Variants in ADCK1 observed in about 807,000 individuals in gnomAD.
The protein encoded by ADCK1 is aarF domain containing kinase 1.
In ADCK1, 41 loss-of-function variants were observed where a neutral mutation model predicts 52.3. The observed-to-expected ratio is 0.78, with a 90% CI of 0.61 to 1.02. The LOEUF is 1.02. Ranked by LOEUF, ADCK1 falls within the 50% of genes least tolerant of loss-of-function variation. The pLI is 0.00. For missense variants in ADCK1, 658 were observed against 679.5 expected, an observed-to-expected ratio of 0.97 and a Z score of 0.35; for synonymous variants, 250 against 274.6, an observed-to-expected ratio of 0.91 and a Z score of 0.89.
chr14:77,831,878 A>G (rs1365364035), intron 3 of ADCK1, among the ~76,000 whole-genome samples: 2 of 152,192 alleles, frequency 1.3e-5, no homozygotes, highest in African/African-American at 2.4e-5. Flanking sequence ...TGACAACTCT[A>G]TAACTATTCC....
intron 3 of ADCK1, among the ~76,000 whole-genome samples, chr14:77,852,678 TATATATATATATATATA>T (rs2082319947): frequency 2.7e-5 from 2 of 74,026 alleles, no homozygotes; most frequent in Admixed American, 1.2e-4. Context: ...TATATATATA[TATATATATATATATATA>T]TATATATATT....
At position 77,931,508 on chromosome 14, in the gene ADCK1, G is replaced by A. The variant is rs2084333916; in HGVS notation, c.1207-10G>A. 1 of 1,609,844 alleles carries A rather than the reference G, an allele frequency of 6.2e-7. No homozygotes were observed. The highest frequency in any genetic ancestry group is 8.5e-7 in the Non-Finnish European group (1 of 1,176,788). On this transcript the variant is annotated splice_polypyrimidine_tract_variant and intron_variant, in intron 9 of 10. Coordinates refer to ENST00000238561, the MANE Select transcript of ADCK1 (RefSeq NM_020421.4). The stretch of plus-strand genomic sequence containing the variant: ...AACCATCTGTTTCTGTTGCCCCATT[G>A]CTGCTTCAGGACTTAGAGATTCGCA...
rs116436976 is a variant in ADCK1 at position 77,891,186 on chromosome 14, C to T, written c.582+3937C>T. Among the ~76,000 whole-genome samples, 912 of 152,202 alleles carry T rather than the reference C, an allele frequency of 6.0e-3. 10 individuals carry two copies. Among genetic ancestry groups the T allele is most frequent in the African/African-American group, 0.02 (838 of 41,538 alleles). ...GGGGTAGAAGGTAGCATTGGAGACT[C>T]GAGGTGGGTGAAGGTTTGGAACAGC... On this transcript the variant is annotated intron_variant, in intron 5 of 10. Transcript: ENST00000238561.
chr14:77,932,484 C>T (rs559142685), intron 10 of ADCK1, among the ~76,000 whole-genome samples: 4 of 152,140 alleles, frequency 2.6e-5, no homozygotes, highest in Non-Finnish European at 5.9e-5. Context: ...GGAAGGGCCC[C>T]GCTCTGGATG....
intron 3 of ADCK1, among the ~76,000 whole-genome samples, chr14:77,857,042 A>T (rs1389657478): frequency 2.7e-5 from 4 of 150,284 alleles, no homozygotes; most frequent in African/African-American, 9.8e-5. Context: ...AGGCCTAAGG[A>T]TGGCCTGCTA....
chr14:77,803,323 A>G (rs897059140), intron 1 of ADCK1, among the ~76,000 whole-genome samples: 1 of 151,940 alleles, frequency 6.6e-6, no homozygotes, highest in Non-Finnish European at 1.5e-5. Flanking sequence ...GGTAATTCTC[A>G]TTTGTGCACC....
In ADCK1 at chr14:77,931,406, C is replaced by G. The variant is rs531955237; in HGVS notation, c.1207-112C>G. On this transcript the variant is annotated intron_variant, in intron 9 of 10. Transcript: ENST00000238561. ...TGCCAAGACAGCGGTGCCTGAAGCT[C>G]CCTCCTGGGGCTTCTTTGCAGCCCT... 14 of 1,128,086 alleles carry G rather than the reference C, an allele frequency of 1.2e-5. No homozygotes were observed. The South Asian group carries it at 2.1e-4, about 17-fold the overall frequency. The allele number at this position is 1,128,086 out of a possible 1,614,324, so 69.9% of individuals were successfully genotyped here.
At chr14:77,885,127 A>C (rs2083119204) in intron 4 of ADCK1, among the ~76,000 whole-genome samples, 2 of 152,200 alleles carry the variant, frequency 1.3e-5, no homozygotes, top group South Asian at 4.1e-4. Context: ...AGAACAGACA[A>C]AAATCTTTGC....
At chr14:77,922,476 A>T (rs773626938) in intron 7 of ADCK1, among the ~76,000 whole-genome samples, 1 of 152,186 alleles carries the variant, frequency 6.6e-6, no homozygotes, top group Admixed American at 6.5e-5. Context: ...TGTTATGAGG[A>T]ATCGGGGGCG....
intron 4 of ADCK1, among the ~76,000 whole-genome samples, chr14:77,881,608 G>A (rs765949481): frequency 3.7e-4 from 57 of 152,168 alleles, no homozygotes; most frequent in Non-Finnish European, 6.0e-4. Flanking sequence ...ATCAGGGCAT[G>A]TCACTTCCAT....
At chr14:77,850,309 A>T (rs911562050) in intron 3 of ADCK1, among the ~76,000 whole-genome samples, 2 of 152,228 alleles carry the variant, frequency 1.3e-5, no homozygotes, top group African/African-American at 4.8e-5. Context: ...TATAAATGCC[A>T]GTTCAGATTG....
chr14:77,810,431 G>A (rs1283117480), intron 1 of ADCK1, among the ~76,000 whole-genome samples: 1 of 151,792 alleles, frequency 6.6e-6, no homozygotes, highest in Non-Finnish European at 1.5e-5. Context: ...TTCTTACAAT[G>A]AGCCTAGAAG....
intron 4 of ADCK1, among the ~76,000 whole-genome samples, chr14:77,882,964 C>A (rs1050374300): frequency 2.2e-5 from 3 of 134,784 alleles, no homozygotes; most frequent in East Asian, 2.5e-4. Flanking sequence ...CCACCCCCCC[C>A]CCCGTGCTTT....
intron 4 of ADCK1, among the ~76,000 whole-genome samples, chr14:77,885,359 C>T (rs2083125013): frequency 2.0e-5 from 3 of 152,150 alleles, no homozygotes; most frequent in African/African-American, 7.2e-5. Context: ...AAATAACAAA[C>T]CAACCAGGAT....
chr14:77,864,592 G>GT (rs2082622724), intron 4 of ADCK1, among the ~76,000 whole-genome samples: 1 of 152,168 alleles, frequency 6.6e-6, no homozygotes, highest in South Asian at 2.1e-4. Context: ...TCATTCCTGT[G>GT]TAACTCAGGG....
At chr14:77,894,213 A>G (rs1320665062) in intron 5 of ADCK1, among the ~76,000 whole-genome samples, 1 of 152,242 alleles carries the variant, frequency 6.6e-6, no homozygotes, top group Non-Finnish European at 1.5e-5. Flanking sequence ...AAAAGCGTGT[A>G]CTTTAATAAC....
intron 7 of ADCK1, among the ~76,000 whole-genome samples, chr14:77,921,337 AAAAAAAAAAAAG>A (rs1305400532): frequency 6.9e-6 from 1 of 144,560 alleles, no homozygotes; most frequent in African/African-American, 2.7e-5. Context: ...AAAAAAAAAA[AAAAAAAAAAAAG>A]AAAAAAAAGT....
intron 1 of ADCK1, among the ~76,000 whole-genome samples, chr14:77,810,037 CAAA>C (rs558244331): frequency 7.9e-4 from 85 of 107,800 alleles, no homozygotes; most frequent in East Asian, 2.7e-3. Context: ...GACTCTGTCT[CAAA>C]AAAAAAAAAA....
intron 3 of ADCK1, among the ~76,000 whole-genome samples, chr14:77,849,415 A>T (rs578094034): frequency 6.6e-6 from 1 of 151,986 alleles, no homozygotes; most frequent in Non-Finnish European, 1.5e-5. Flanking sequence ...TCTTTGCCCT[A>T]TGAGTTCTTT....
Sources: allele counts gnomAD v4.1 joint callset (sites outside exome capture counted in the v4.1 genomes callset), GRCh38; gene constraint gnomAD v4.1.1; transcripts MANE v1.5; gene names NCBI Gene and HGNC (gene_info 2026-07-23, HGNC 2026-07-21).